The following DNAJC18 variants were observed in gnomAD, a reference collection of about 807,000 sequenced individuals.
DNAJC18 encodes the protein DnaJ heat shock protein family (Hsp40) member C18.
DNAJC18 carries 40 observed loss-of-function variants against 48.6 expected under a neutral mutation model. The observed-to-expected ratio is 0.82, with a 90% CI of 0.64 to 1.07. DNAJC18 has a LOEUF of 1.07. Among genes scored for constraint, DNAJC18 ranks in the 50% least tolerant of loss-of-function variants. DNAJC18 has a pLI of 0.00. For synonymous variants in DNAJC18, 135 were observed against 152.2 expected, an observed-to-expected ratio of 0.89 and a Z score of 0.83; for missense variants, 340 against 427.7, an observed-to-expected ratio of 0.79 and a Z score of 1.81.
rs1581410602 is a variant in DNAJC18, at chr5:139,412,483, A to G, written c.*1665T>C. The G allele has an allele frequency of 2.8e-6, 1 of 361,946 alleles. No individual in the cohort carries two copies. The highest frequency in any genetic ancestry group is 4.6e-5 in the Admixed American group (1 of 21,564). 22.4% of individuals were successfully genotyped at this position (361,946 alleles called of 1,614,324 possible). A position where few individuals can be genotyped will look rare whatever the true frequency, so the allele number is the denominator to read the frequency against. On this transcript the variant is annotated 3_prime_UTR_variant, in exon 8 of 8. Coordinates refer to ENST00000302060, the MANE Select transcript of DNAJC18 (RefSeq NM_152686.4). ...ACTGTGTTGGCCAGGCTGGTCTTGA[A>G]CTCCTGACCTCAGGTGATCCACCTG... is the stretch of plus-strand genomic sequence containing the variant.
chr5:139,422,838 A>G, intron 5 of DNAJC18, 21 bp from the exon 6 acceptor site: 1 of 1,549,500 alleles, frequency 6.5e-7, no homozygotes, highest in Non-Finnish European at 8.7e-7. Flanking sequence ...AAAAAAAATA[A>G]AAACTTGCTG....
chr5:139,431,546 G>A (rs114237503), intron 2 of DNAJC18, among the ~76,000 whole-genome samples: 123 of 152,112 alleles, frequency 8.1e-4, no homozygotes, highest in South Asian at 1.9e-3. Flanking sequence ...ATCCCTTTTT[G>A]TTACAAAATA....
chr5:139,432,323 C>A (rs983457625), intron 2 of DNAJC18, among the ~76,000 whole-genome samples: 5 of 152,092 alleles, frequency 3.3e-5, no homozygotes, highest in African/African-American at 7.2e-5. Flanking sequence ...TGCCACCACA[C>A]CCAGCTAATT....
intron 2 of DNAJC18, among the ~76,000 whole-genome samples, chr5:139,432,237 T>G (rs1212499522): frequency 1.3e-5 from 2 of 152,110 alleles, no homozygotes; most frequent in East Asian, 3.9e-4. Flanking sequence ...TGTTTTCGAC[T>G]CACTGCAACC....
intron 3 of DNAJC18, among the ~76,000 whole-genome samples, chr5:139,427,401 C>T (rs550591621): frequency 3.9e-5 from 6 of 152,108 alleles, no homozygotes; most frequent in Admixed American, 6.5e-5. Flanking sequence ...TAAGGCATCC[C>T]GCACTCCCTA....
chr5:139,434,568 C>G (rs553999869), intron 2 of DNAJC18, among the ~76,000 whole-genome samples: 1 of 152,302 alleles, frequency 6.6e-6, no homozygotes, highest in Non-Finnish European at 1.5e-5. Flanking sequence ...AGAGATCCTC[C>G]TATCTCAGCC....
intron 5 of DNAJC18, among the ~76,000 whole-genome samples, chr5:139,424,159 G>A (rs976236751): frequency 6.6e-6 from 1 of 152,164 alleles, no homozygotes. Context: ...ACTGTAGACT[G>A]GCTATTTGCA....
At chr5:139,420,270 C>T in intron 6 of DNAJC18, 45 bp from the exon 7 acceptor site, 1 of 1,555,620 alleles carries the variant, frequency 6.4e-7, no homozygotes, top group South Asian at 1.2e-5. Flanking sequence ...TAATATTTGG[C>T]AATATTACTC....
chr5:139,423,863 G>A (rs531443314), intron 5 of DNAJC18, among the ~76,000 whole-genome samples: 92 of 152,204 alleles, frequency 6.0e-4, no homozygotes, highest in African/African-American at 2.2e-3. Flanking sequence ...CAGGCTGAAG[G>A]AGGTCCAACA....
At position 139,417,990 on chromosome 5, in the gene DNAJC18, G is replaced by A. The variant is rs150985409; in HGVS notation, c.952+2063C>T. Among the ~76,000 whole-genome samples, 44 of 152,282 alleles carry A rather than the reference G, an allele frequency of 2.9e-4. No homozygotes were observed. The East Asian group carries it at 8.3e-3, about 29-fold the overall frequency. On this transcript the variant is annotated intron_variant, in intron 7 of 7. Coordinates refer to ENST00000302060, the MANE Select transcript of DNAJC18 (RefSeq NM_152686.4). ...GTGCAATCCTTACCATGAGCTCTTT[G>A]TATAATTCCAGCATCTTACTGCCAC...
At chr5:139,418,954 T>C (rs956470600) in intron 7 of DNAJC18, 108 of 431,716 alleles carry the variant, frequency 2.5e-4, no homozygotes, top group Non-Finnish European at 1.9e-4. Flanking sequence ...GTTAGCAGGC[T>C]GAACAAAGTG....
rs1561996416 is a variant in DNAJC18, at chr5:139,411,917, G to A, written c.*2231C>T. 1 of 152,052 alleles carries A rather than the reference G, an allele frequency of 6.6e-6. No homozygotes were observed. Among genetic ancestry groups the A allele is most frequent in the Non-Finnish European group, 1.5e-5 (1 of 68,006 alleles). The allele number at this position is 152,052 out of a possible 1,614,324, so 9.4% of individuals were successfully genotyped here. A position where few individuals can be genotyped will look rare whatever the true frequency, so the allele number is the denominator to read the frequency against. On this transcript the variant is annotated 3_prime_UTR_variant, in exon 8 of 8. Transcript: ENST00000302060. ...GGGAGAGGAGAGCTTTGATTTTTTTGTGTGTAGAAGAACTTTCCATAAGCC... is the reference window on the plus strand; with the variant it reads ...GGGAGAGGAGAGCTTTGATTTTTTTATGTGTAGAAGAACTTTCCATAAGCC...
chr5:139,439,425 G>T lies in DNAJC18; in HGVS notation c.21C>A (p.Ser7Arg). 6.2e-7 allele frequency: 1 copy of T among 1,613,878 alleles called. No individual in the cohort carries two copies. The highest frequency in any genetic ancestry group is 1.1e-5 in the South Asian group (1 of 91,082). The change falls in exon 1 of 8, where the codon AGC becomes AGA. Residue 7 changes from serine to arginine, a missense_variant. Coordinates refer to ENST00000302060, the MANE Select transcript of DNAJC18 (RefSeq NM_152686.4). The surrounding 1 kb of genome is among the most constrained non-coding windows in gnomAD (Gnocchi z 4.1). MAATLGSGERWTEAYID... is the reference protein window; with the variant it reads MAATLGRGERWTEAYID... ...TAGTACCTTCCGTCCAGCGCTCCCC[G>T]CTGCCCAGAGTCGCCGCCATATCGG...
At chr5:139,425,172 T>G in intron 4 of DNAJC18, 58 bp from the exon 5 acceptor site, 1 of 1,447,846 alleles carries the variant, frequency 6.9e-7, no homozygotes, top group Admixed American at 1.9e-5. Flanking sequence ...GCCTTTTTCT[T>G]TTTTTTTTGG....
At chr5:139,423,026 A>G (rs994738749) in intron 5 of DNAJC18, among the ~76,000 whole-genome samples, 4 of 152,014 alleles carry the variant, frequency 2.6e-5, no homozygotes, top group Non-Finnish European at 5.9e-5. Flanking sequence ...TAGTAGAGAC[A>G]GGGTTTCACC....
At chr5:139,421,149 C>A (rs1466629918) in intron 6 of DNAJC18, among the ~76,000 whole-genome samples, 1 of 152,184 alleles carries the variant, frequency 6.6e-6, no homozygotes, top group African/African-American at 2.4e-5. Flanking sequence ...CCAGTGTGGC[C>A]TGATGGCAAA....
At chr5:139,425,412 C>T (rs1184431607) in intron 4 of DNAJC18, among the ~76,000 whole-genome samples, 5 of 152,206 alleles carry the variant, frequency 3.3e-5, no homozygotes, top group South Asian at 2.1e-4. Flanking sequence ...GATCCACCTA[C>T]CTTGGCCTCC....
intron 2 of DNAJC18, among the ~76,000 whole-genome samples, chr5:139,431,205 T>A (rs1759325034): frequency 6.6e-6 from 1 of 152,208 alleles, no homozygotes; most frequent in Non-Finnish European, 1.5e-5. Context: ...AATGCTTTAT[T>A]GAGAAATAAT....
intron 7 of DNAJC18, among the ~76,000 whole-genome samples, chr5:139,415,029 G>A (rs1759052184): frequency 6.6e-6 from 1 of 152,142 alleles, no homozygotes; most frequent in African/African-American, 2.4e-5. Flanking sequence ...ATTCAGGGAG[G>A]AATGCCTGAA....
Sources: allele counts gnomAD v4.1 joint callset (sites outside exome capture counted in the v4.1 genomes callset), GRCh38; gene constraint gnomAD v4.1.1; non-coding constraint Gnocchi (gnomAD v3.1); transcripts MANE v1.5; gene names NCBI Gene and HGNC (gene_info 2026-07-23, HGNC 2026-07-21).